The following STPG4 variants were observed in gnomAD, a reference collection of about 807,000 sequenced individuals.
STPG4 encodes the protein protein STPG4.
STPG4 carries 41 observed loss-of-function variants against 31.5 expected under a neutral mutation model. The observed-to-expected ratio is 1.30, with a 90% CI of 1.01 to 1.69. The LOEUF (loss-of-function observed/expected upper bound fraction) is 1.69. Among genes scored for constraint, STPG4 ranks in the 40% most tolerant of loss-of-function variants. STPG4 has a pLI of 0.00. For missense variants in STPG4, 375 were observed against 293.4 expected (o/e 1.28, Z -2.03); for synonymous variants, 141 against 103.0 (o/e 1.37, Z -2.24).
At chr2:47,115,485 T>C (rs1271499263) in intron 5 of STPG4, among the ~76,000 whole-genome samples, 1 of 152,154 alleles carries the variant, frequency 6.6e-6, no homozygotes, top group Admixed American at 6.6e-5. Context: ...ATTGTTAGTT[T>C]GGCTAAATAT....
chr2:47,142,576 A>G (rs1686736787), intron 3 of STPG4, among the ~76,000 whole-genome samples: 2 of 152,148 alleles, frequency 1.3e-5, no homozygotes, highest in African/African-American at 4.8e-5. Flanking sequence ...CACATTGAAA[A>G]CAATATCAAC....
intron 3 of STPG4, among the ~76,000 whole-genome samples, chr2:47,141,103 T>A (rs1686694280): frequency 1.3e-5 from 2 of 151,964 alleles, no homozygotes; most frequent in Admixed American, 1.3e-4. Context: ...GCTAGGCTGG[T>A]CTCGAACTCC....
Position 47,101,321 on chromosome 2 carries a change from C to T in STPG4, c.520-10947G>A, listed in dbSNP as rs1022047077. 6.6e-5 allele frequency among the ~76,000 whole-genome samples: 10 copies of T among 151,750 alleles called. No homozygotes were observed. The East Asian group carries it at 1.4e-3, about 21-fold the overall frequency. On this transcript the variant is annotated intron_variant, in intron 5 of 6. Transcript: ENST00000445927. Reference sequence around the variant, plus strand: ...CTTTTCCTGTACTTCTGGGCTGAGCCGAGGGTTGACAGAGAGGAAAGCCAT... The same window carrying T: ...CTTTTCCTGTACTTCTGGGCTGAGCTGAGGGTTGACAGAGAGGAAAGCCAT...
intron 5 of STPG4, among the ~76,000 whole-genome samples, chr2:47,120,478 A>C (rs1195801256): frequency 6.6e-6 from 1 of 152,116 alleles, no homozygotes; most frequent in African/African-American, 2.4e-5. Context: ...GAAGCAGGAG[A>C]ATGGCGTGAA....
intron 5 of STPG4, among the ~76,000 whole-genome samples, chr2:47,103,370 G>A (rs2347613): frequency 0.22 from 33,916 of 151,686 alleles, 4,146 homozygotes; most frequent in Admixed American, 0.3. Context: ...CCAATCAGCC[G>A]CAGATATCAG....
In STPG4 at chr2:47,151,336, C is replaced by T. The variant is rs1686931304; in HGVS notation, c.321G>A (p.Leu107=). ...PQYMPPDFLD[L]LKKQVATYSF... is the part of the protein sequence containing the mutation. ...AGTAAGTAGCCACTTGCTTCTTTAA[C>T]AGGTCCAGGAAGTCAGGAGGCATAT... The change falls in exon 3 of 7, where the codon CTG becomes CTA. Residue 107 remains leucine, a synonymous_variant. Coordinates refer to ENST00000445927, the MANE Select transcript of STPG4 (RefSeq NM_001163561.2). 1 of 1,614,182 alleles carries T rather than the reference C, an allele frequency of 6.2e-7. No individual in the cohort carries two copies. Among genetic ancestry groups the T allele is most frequent in the Non-Finnish European group, 8.5e-7 (1 of 1,180,032 alleles).
intron 5 of STPG4, among the ~76,000 whole-genome samples, chr2:47,116,782 A>G (rs147791557): frequency 8.9e-4 from 136 of 152,334 alleles, no homozygotes; most frequent in African/African-American, 2.6e-3. Context: ...TGCATTTAGA[A>G]GAGGACATGT....
chr2:47,108,169 A>T (rs1180763551), intron 5 of STPG4, among the ~76,000 whole-genome samples: 1 of 151,482 alleles, frequency 6.6e-6, no homozygotes, highest in Non-Finnish European at 1.5e-5. Flanking sequence ...TAAACACACC[A>T]ATCAGCGCCC....
intron 5 of STPG4, among the ~76,000 whole-genome samples, chr2:47,128,310 T>G (rs1686403732): frequency 6.6e-6 from 1 of 152,074 alleles, no homozygotes; most frequent in Non-Finnish European, 1.5e-5. Flanking sequence ...TGGTACTGGG[T>G]CTCACCCAAG....
At chr2:47,110,326 G>A (rs1289860719) in intron 5 of STPG4, among the ~76,000 whole-genome samples, 1 of 152,210 alleles carries the variant, frequency 6.6e-6, no homozygotes, top group Admixed American at 6.5e-5. Flanking sequence ...GGGCACGGTG[G>A]CTCACGCCTG....
chr2:47,105,720 A>G (rs958979914), intron 5 of STPG4, among the ~76,000 whole-genome samples: 1 of 152,048 alleles, frequency 6.6e-6, no homozygotes, highest in African/African-American at 2.4e-5. Flanking sequence ...CTCTTCCCCC[A>G]GGGACCAGTG....
Position 47,108,079 on chromosome 2 carries a change from G to A in STPG4, c.520-17705C>T, listed in dbSNP as rs1317103354. ...TATCTAGCTACTCTGGTGGGGCCTTGGAGAACCTTTGTGTCAACACTCTGT... is the reference window on the plus strand; with the variant it reads ...TATCTAGCTACTCTGGTGGGGCCTTAGAGAACCTTTGTGTCAACACTCTGT... On this transcript the variant is annotated intron_variant, in intron 5 of 6. Transcript: ENST00000445927. Among the ~76,000 whole-genome samples the A allele has an allele frequency of 3.3e-5, 5 of 151,518 alleles. No homozygotes were observed. In the East Asian group the frequency reaches 7.8e-4, roughly 24 times the overall value.
At chr2:47,113,900 G>A (rs1686090896) in intron 5 of STPG4, among the ~76,000 whole-genome samples, 1 of 151,996 alleles carries the variant, frequency 6.6e-6, no homozygotes, top group African/African-American at 2.4e-5. Flanking sequence ...CAGGTGTGGT[G>A]GCGGGCGCCT....
chr2:47,130,360 T>A, intron 3 of STPG4, 100 bp from the exon 4 acceptor site: 1 of 918,524 alleles, frequency 1.1e-6, no homozygotes, highest in Non-Finnish European at 1.7e-6. Context: ...CATACAACAT[T>A]GGATAATTCC....
intron 5 of STPG4, among the ~76,000 whole-genome samples, chr2:47,106,971 G>A (rs1403767830): frequency 6.6e-6 from 1 of 152,012 alleles, no homozygotes; most frequent in Non-Finnish European, 1.5e-5. Flanking sequence ...CTGGCCTAGA[G>A]ACCTCCCCTC....
At chr2:47,100,911 C>G (rs1685784430) in intron 5 of STPG4, among the ~76,000 whole-genome samples, 1 of 151,880 alleles carries the variant, frequency 6.6e-6, no homozygotes, top group Non-Finnish European at 1.5e-5. Context: ...AGCTGTAACA[C>G]TCACCACGAG....
intron 6 of STPG4, among the ~76,000 whole-genome samples, chr2:47,088,386 G>T (rs551665005): frequency 6.6e-6 from 1 of 152,196 alleles, no homozygotes; most frequent in Admixed American, 6.5e-5. Flanking sequence ...CTTGAAGTCC[G>T]AAGGCATTTG....
chr2:47,115,381 G>C (rs1345996888), intron 5 of STPG4, among the ~76,000 whole-genome samples: 1 of 151,950 alleles, frequency 6.6e-6, no homozygotes, highest in African/African-American at 2.4e-5. Flanking sequence ...CCTTTGTTTT[G>C]CTGTATTTAT....
intron 3 of STPG4, among the ~76,000 whole-genome samples, chr2:47,135,162 T>G (rs1686571222): frequency 6.6e-6 from 1 of 152,206 alleles, no homozygotes; most frequent in Non-Finnish European, 1.5e-5. Flanking sequence ...TTCTCTTCAG[T>G]GTCTTTTGCT....
Sources: gnomAD v4.1 joint callset for allele counts (sites outside exome capture counted in the v4.1 genomes callset) on GRCh38, gnomAD v4.1.1 for gene constraint, MANE v1.5 for transcripts, NCBI Gene and HGNC (gene_info 2026-07-23, HGNC 2026-07-21) for gene names.